The following KPNA1 variants were observed in gnomAD, a reference collection of about 807,000 sequenced individuals.
KPNA1 encodes karyopherin subunit alpha 1.
A neutral mutation model predicts 70.5 loss-of-function variants in KPNA1; 10 were observed. That is an observed-to-expected ratio of 0.14 (90% CI 0.09 to 0.24). The LOEUF is 0.24. Among genes scored for constraint, KPNA1 ranks in the 10% least tolerant of loss-of-function variants. The probability of loss-of-function intolerance (pLI) is 1.00; values close to 1 mark genes in which losing one functional copy is unlikely to be tolerated. For missense variants in KPNA1, 397 were observed against 637.9 expected (o/e 0.62, Z 4.07); for synonymous variants, 192 against 221.9 (o/e 0.87, Z 1.20).
intron 2 of KPNA1, among the ~76,000 whole-genome samples, chr3:122,481,883 G>A (rs1015032980): frequency 1.3e-5 from 2 of 152,088 alleles, no homozygotes; most frequent in African/African-American, 4.8e-5. Flanking sequence ...GAACAGAAGA[G>A]AACTTCCTTA....
intron 11 of KPNA1, among the ~76,000 whole-genome samples, chr3:122,434,743 AG>A (rs2075962628): frequency 6.6e-6 from 1 of 152,224 alleles, no homozygotes; most frequent in Non-Finnish European, 1.5e-5. Context: ...ACACTAAAGT[AG>A]CCTTCCCAAA....
chr3:122,441,756 C>T (rs557310620), intron 10 of KPNA1, among the ~76,000 whole-genome samples: 4 of 152,176 alleles, frequency 2.6e-5, no homozygotes, highest in Admixed American at 2.0e-4. Flanking sequence ...TGTGCAACCA[C>T]GCCCGGCTAA....
At chr3:122,439,068 TATTA>T (rs1457026345) in intron 10 of KPNA1, among the ~76,000 whole-genome samples, 1 of 152,186 alleles carries the variant, frequency 6.6e-6, no homozygotes, top group Non-Finnish European at 1.5e-5. Flanking sequence ...CTTTTATGCC[TATTA>T]AATAGGCAAT....
chr3:122,458,352 T>C (rs968885130), intron 5 of KPNA1, among the ~76,000 whole-genome samples: 3 of 152,078 alleles, frequency 2.0e-5, no homozygotes, highest in African/African-American at 4.8e-5. Flanking sequence ...CTAAAAGCCA[T>C]TGTCTGCTTC....
At chr3:122,495,260 A>G (rs2076745013) in intron 2 of KPNA1, among the ~76,000 whole-genome samples, 1 of 150,176 alleles carries the variant, frequency 6.7e-6, no homozygotes. Context: ...CCTCAAACAA[A>G]CCAAAAAAAA....
At chr3:122,431,018 C>G (rs1576273241) in intron 12 of KPNA1, among the ~76,000 whole-genome samples, 1 of 152,308 alleles carries the variant, frequency 6.6e-6, no homozygotes, top group East Asian at 1.9e-4. Context: ...TGCCAATTCT[C>G]TATACAAATA....
At chr3:122,493,528 A>G (rs1038149085) in intron 2 of KPNA1, among the ~76,000 whole-genome samples, 1 of 152,190 alleles carries the variant, frequency 6.6e-6, no homozygotes, top group Non-Finnish European at 1.5e-5. Flanking sequence ...AAGCCTCAGG[A>G]ATTTTTCTTA....
intron 6 of KPNA1, among the ~76,000 whole-genome samples, chr3:122,452,795 GA>G (rs1271860059): frequency 6.6e-6 from 1 of 151,788 alleles, no homozygotes; most frequent in Non-Finnish European, 1.5e-5. Flanking sequence ...GAGACGGAGA[GA>G]AAGAAAGACG....
chr3:122,457,998 C>T (rs1333669742), intron 5 of KPNA1: 1 of 572,132 alleles, frequency 1.7e-6, no homozygotes, highest in African/African-American at 2.0e-5. Context: ...AGGATGAAGG[C>T]TTACTGCAGT....
At chr3:122,447,028 AT>A (rs2076147701) in intron 9 of KPNA1, among the ~76,000 whole-genome samples, 1 of 152,210 alleles carries the variant, frequency 6.6e-6, no homozygotes. Context: ...GCAGTAATTA[AT>A]AGCCTACCAA....
At chr3:122,428,213 A>G (rs1043931857) in intron 12 of KPNA1, among the ~76,000 whole-genome samples, 2 of 152,206 alleles carry the variant, frequency 1.3e-5, no homozygotes, top group African/African-American at 4.8e-5. Flanking sequence ...CTTTAATTCA[A>G]GCAGAATGTA....
At chr3:122,496,601 G>A (rs1419587061) in intron 1 of KPNA1, 31 bp from the exon 2 acceptor site, 13 of 1,604,254 alleles carry the variant, frequency 8.1e-6, no homozygotes, top group East Asian at 4.5e-5. Flanking sequence ...GAACAAATGA[G>A]TTTACTGTGA....
rs914300204 is a variant in KPNA1, at chr3:122,425,924, A to G, written c.*1061T>C. On this transcript the variant is annotated 3_prime_UTR_variant, in exon 14 of 14. Transcript: ENST00000344337. ...GAGCTGCACCTAAGAAAAAAATCCC[A>G]AAGTTACTTTCAAAAGTATGTGTTA... The G allele has an allele frequency of 1.3e-5, 2 of 152,626 alleles. No individual in the cohort carries two copies. Among genetic ancestry groups the G allele is most frequent in the African/African-American group, 4.8e-5 (2 of 41,436 alleles). 9.5% of individuals were successfully genotyped at this position (152,626 alleles called of 1,614,324 possible).
intron 2 of KPNA1, among the ~76,000 whole-genome samples, chr3:122,479,875 G>C (rs865912477): frequency 6.6e-6 from 1 of 152,066 alleles, no homozygotes; most frequent in African/African-American, 2.4e-5. Context: ...AATGTATATA[G>C]GAGTTTTATC....
chr3:122,488,558 T>C (rs1176738790), intron 2 of KPNA1, among the ~76,000 whole-genome samples: 2 of 152,326 alleles, frequency 1.3e-5, no homozygotes, highest in African/African-American at 2.4e-5. Flanking sequence ...TCTGTAGAGA[T>C]ACATATTGAA....
In KPNA1 at chr3:122,434,275, C is replaced by T. The variant is rs571501874; in HGVS notation, c.1123-487G>A. 8.5e-5 allele frequency among the ~76,000 whole-genome samples: 13 copies of T among 152,334 alleles called. No individual in the cohort carries two copies. The East Asian group carries it at 2.3e-3, about 27-fold the overall frequency. ...TATTCTGTCTTGGTATCACTGAAAA[C>T]ATCTTCCCTGGAGTTTATGATCTTA... On this transcript the variant is annotated intron_variant, in intron 11 of 13. Coordinates refer to ENST00000344337, the MANE Select transcript of KPNA1 (RefSeq NM_002264.4).
Position 122,433,708 on chromosome 3 carries a change from A to C in KPNA1, c.1203T>G (p.Ala401=). The C allele has an allele frequency of 6.2e-7, 1 of 1,613,526 alleles. No homozygotes were observed. Among genetic ancestry groups the C allele is most frequent in the South Asian group, 1.1e-5 (1 of 90,934 alleles). Reference sequence around the variant, plus strand: ...CAGAAGTTGCATTTGTGATGGCCCAAGCTGCTTCTTTTCTTGTCCGAAATT... The same window carrying C: ...CAGAAGTTGCATTTGTGATGGCCCACGCTGCTTCTTTTCTTGTCCGAAATT... ...TAEFRTRKEA[A]WAITNATSGG... is the part of the protein sequence containing the mutation. The change falls in exon 12 of 14, where the codon GCT becomes GCG. Residue 401 remains alanine, a synonymous_variant. Transcript: ENST00000344337.
chr3:122,459,332 TA>T (rs2076297362), intron 5 of KPNA1: 1 of 771,830 alleles, frequency 1.3e-6, no homozygotes, highest in Non-Finnish European at 1.6e-6. Context: ...TACCACCTAA[TA>T]AAAACCGCCA....
intron 1 of KPNA1, 25 bp from the exon 2 acceptor site, chr3:122,496,595 A>T (rs2076764221): frequency 6.2e-7 from 1 of 1,608,638 alleles, no homozygotes; most frequent in Non-Finnish European, 8.5e-7. Flanking sequence ...GGGAGAGAAC[A>T]AATGAGTTTA....
Sources: allele counts gnomAD v4.1 joint callset (sites outside exome capture counted in the v4.1 genomes callset), GRCh38; gene constraint gnomAD v4.1.1; transcripts MANE v1.5; gene names NCBI Gene and HGNC (gene_info 2026-07-23, HGNC 2026-07-21).